Variants in USP42 observed in about 807,000 individuals in gnomAD.
The protein encoded by USP42 is ubiquitin specific peptidase 42.
A neutral mutation model predicts 113.0 loss-of-function variants in USP42; 23 were observed. That is an observed-to-expected ratio of 0.20 (90% CI 0.15 to 0.29). The LOEUF is 0.29. Ranked by LOEUF, USP42 falls within the 10% of genes least tolerant of loss-of-function variation. The pLI, the probability that USP42 is intolerant of heterozygous loss-of-function variation, is 1.00. For missense variants in USP42, 2,174 were observed against 1,779.8 expected (o/e 1.22, Z -3.99); for synonymous variants, 933 against 699.0 (o/e 1.33, Z -5.28).
chr7:6,110,627 CT>C lies in USP42; in HGVS notation c.-9-496del, dbSNP rs536069962. 2.0e-5 allele frequency among the ~76,000 whole-genome samples: 3 copies of C among 152,250 alleles called. No individual in the cohort carries two copies. In the South Asian group the frequency reaches 6.2e-4, roughly 32 times the overall value. On this transcript the variant is annotated intron_variant, in intron 1 of 17. Coordinates refer to ENST00000306177, the MANE Select transcript of USP42 (RefSeq NM_032172.3). ...ATTTTAAAAAATATAATGTATTTCA[CT>C]TGGTGCCATTTGCACTTTAAGCACA...
chr7:6,132,172 C>T (rs899036075), intron 3 of USP42, among the ~76,000 whole-genome samples: 3 of 152,136 alleles, frequency 2.0e-5, no homozygotes, highest in Non-Finnish European at 4.4e-5. Flanking sequence ...GCGATCCACC[C>T]GCCTTGGCTT....
chr7:6,126,668 C>T (rs192113870), intron 3 of USP42, among the ~76,000 whole-genome samples: 183 of 152,252 alleles, frequency 1.2e-3, no homozygotes, highest in African/African-American at 4.2e-3. Context: ...AGTGGAGCTG[C>T]GGTAAACACA....
the USP42 span, among the ~76,000 whole-genome samples, chr7:6,087,583 C>T: frequency 1.0e-3 from 155 of 150,722 alleles, no homozygotes; most frequent in Non-Finnish European, 1.2e-3. Flanking sequence ...GCAATCCACC[C>T]GCTTCGGCCT....
At chr7:6,143,990 T>G (rs1781570377) in intron 8 of USP42, 95 bp from the exon 9 acceptor site, 2 of 708,592 alleles carry the variant, frequency 2.8e-6, no homozygotes, top group Non-Finnish European at 4.4e-6. Flanking sequence ...AACCTTAATA[T>G]GTAATGTTTG....
chr7:6,086,509 C>T, the USP42 span, among the ~76,000 whole-genome samples: 1,296 of 151,014 alleles, frequency 8.6e-3, 94 homozygotes, highest in African/African-American at 0.03. Context: ...CCAGCCTAGC[C>T]GGGCTAATTT....
rs967754569 is a variant in USP42, at chr7:6,139,347, G to A, written c.656+153G>A. 2 of 543,762 alleles carry A rather than the reference G, an allele frequency of 3.7e-6. No individual in the cohort carries two copies. The highest frequency in any genetic ancestry group is 3.4e-4 in the Middle Eastern group (1 of 2,952). 33.7% of individuals were successfully genotyped at this position (543,762 alleles called of 1,614,324 possible). On this transcript the variant is annotated intron_variant, in intron 5 of 17. Coordinates refer to ENST00000306177, the MANE Select transcript of USP42 (RefSeq NM_032172.3). The surrounding 1 kb of genome is among the most constrained non-coding windows in gnomAD (Gnocchi z 4.5). ...TTGCTCTGCCTCTTCCTTAGGTGAT[G>A]TGCATTATTTTAAAATGGTTGAAAT...
At chr7:6,111,925 T>A (rs1329991340) in intron 2 of USP42, 1 of 152,588 alleles carries the variant, frequency 6.6e-6, no homozygotes. Flanking sequence ...TTTATTCCAG[T>A]TTTTTTTAAG....
At chr7:6,147,406 T>A (rs1332717084) in intron 11 of USP42, among the ~76,000 whole-genome samples, 4 of 152,196 alleles carry the variant, frequency 2.6e-5, no homozygotes, top group Non-Finnish European at 5.9e-5. Context: ...GCTGTTCCTC[T>A]GCAGTCCAGC....
At chr7:6,136,021 T>TTTTC in intron 4 of USP42, 70 bp downstream of exon 4, 10 of 858,808 alleles carry the variant, frequency 1.2e-5, no homozygotes, top group South Asian at 1.9e-5. Context: ...TTTTTTTTTT[T>TTTTC]CGAGACAGAG....
In USP42 at chr7:6,141,125, A is replaced by T. The variant is rs1781404313; in HGVS notation, c.795+141A>T. The T allele has an allele frequency of 6.6e-6, 3 of 455,794 alleles. No individual in the cohort carries two copies. In the South Asian group the frequency reaches 1.3e-4, roughly 20 times the overall value. The allele number at this position is 455,794 out of a possible 1,614,324, so 28.2% of individuals were successfully genotyped here. A position where few individuals can be genotyped will look rare whatever the true frequency, so the allele number is the denominator to read the frequency against. On this transcript the variant is annotated intron_variant, in intron 7 of 17. Transcript: ENST00000306177. ...TGCTAAGATTTCATTTGGAGGAATT[A>T]TTCAAGCTTTGTAGTAAGCATCATA...
chr7:6,114,313 AT>A (rs1048997721), intron 2 of USP42, among the ~76,000 whole-genome samples: 14 of 151,916 alleles, frequency 9.2e-5, no homozygotes, highest in African/African-American at 3.4e-4. Flanking sequence ...AATGTATCTC[AT>A]TTTTTCTATT....
chr7:6,152,246 G>A (rs1482823106), intron 14 of USP42, among the ~76,000 whole-genome samples: 1 of 152,190 alleles, frequency 6.6e-6, no homozygotes, highest in Non-Finnish European at 1.5e-5. Context: ...CACCATACTC[G>A]GTGCCAGGCG....
At chr7:6,152,552 T>C (rs1450499808) in intron 14 of USP42, among the ~76,000 whole-genome samples, 4 of 152,042 alleles carry the variant, frequency 2.6e-5, no homozygotes, top group Non-Finnish European at 4.4e-5. Context: ...GGCGTAGATA[T>C]TAAACCGGAA....
chr7:6,141,438 G>A (rs55720407), intron 7 of USP42, among the ~76,000 whole-genome samples: 20,519 of 151,822 alleles, frequency 0.14, 1,589 homozygotes, highest in African/African-American at 0.2. Context: ...TCTTGACCTC[G>A]TGATCTGCCC....
chr7:6,124,063 A>T (rs1485785253), intron 3 of USP42, among the ~76,000 whole-genome samples: 2 of 152,014 alleles, frequency 1.3e-5, no homozygotes, highest in Non-Finnish European at 2.9e-5. Flanking sequence ...TTTAGTAGTG[A>T]TGGGGTTTCA....
intron 3 of USP42, among the ~76,000 whole-genome samples, chr7:6,129,073 C>G (rs1780698610): frequency 6.6e-6 from 1 of 152,168 alleles, no homozygotes; most frequent in African/African-American, 2.4e-5. Flanking sequence ...CAGGCTCACA[C>G]AATGCTGGGA....
chr7:6,114,810 C>T (rs2128480668), intron 2 of USP42, among the ~76,000 whole-genome samples: 1 of 146,558 alleles, frequency 6.8e-6, no homozygotes, highest in African/African-American at 2.5e-5. Context: ...CCTGTCTTAG[C>T]CTCCCTAGTA....
chr7:6,131,845 T>C (rs566890568), intron 3 of USP42, among the ~76,000 whole-genome samples: 15 of 152,336 alleles, frequency 9.8e-5, no homozygotes, highest in African/African-American at 3.6e-4. Context: ...GCAGGAGGAA[T>C]AGAAAACTAC....
In USP42 at chr7:6,154,003, G is replaced by C; in HGVS notation, c.2449G>C (p.Asp817His). 1 of 1,603,424 alleles carries C rather than the reference G, an allele frequency of 6.2e-7. No individual in the cohort carries two copies. The highest frequency in any genetic ancestry group is 1.1e-5 in the South Asian group (1 of 91,010). The change falls in exon 15 of 18, where the codon GAC (aspartate) becomes CAC (histidine). Residue 817 changes from aspartate (D) to histidine (H), a missense_variant. Transcript: ENST00000306177. ...EDIVGDTAPP[D>H]LCDPGSLTGD... ...CATCGTGGGGGACACAGCACCCCCT[G>C]ACCTGTGTGATCCCGGGAGCTTAAC...
Sources: allele counts gnomAD v4.1 joint callset (sites outside exome capture counted in the v4.1 genomes callset), GRCh38; gene constraint gnomAD v4.1.1; non-coding constraint Gnocchi (gnomAD v3.1); transcripts MANE v1.5; gene names NCBI Gene and HGNC (gene_info 2026-07-23, HGNC 2026-07-21).